SLC7A6: variants seen among roughly 807,000 people sequenced by gnomAD.
The protein encoded by SLC7A6 is solute carrier family 7 member 6, also known as Y+L amino acid transporter 2.
In SLC7A6, 29 loss-of-function variants were observed where a neutral mutation model predicts 46.6. The observed-to-expected ratio is 0.62, with a 90% CI of 0.46 to 0.85. The LOEUF is 0.85. Ranked by LOEUF, SLC7A6 falls within the 40% of genes least tolerant of loss-of-function variation. The pLI is 0.00. For synonymous variants in SLC7A6, 276 were observed against 257.3 expected (o/e 1.07, Z -0.70); for missense variants, 527 against 647.6 (o/e 0.81, Z 2.02).
chr16:68,266,289 G>A (rs964991469), intron 1 of SLC7A6, among the ~76,000 whole-genome samples: 1 of 151,864 alleles, frequency 6.6e-6, no homozygotes, highest in Non-Finnish European at 1.5e-5. Flanking sequence ...TTATGTAAAC[G>A]GTGCCCACGG....
chr16:68,267,947 C>G (rs758506582), intron 2 of SLC7A6, among the ~76,000 whole-genome samples: 1 of 152,154 alleles, frequency 6.6e-6, no homozygotes, highest in East Asian at 1.9e-4. Context: ...GGGGAGCTTC[C>G]GGATAGCTGG....
intron 3 of SLC7A6, chr16:68,287,399 C>T (rs538375006): frequency 7.7e-7 from 1 of 1,305,362 alleles, no homozygotes; most frequent in African/African-American, 1.5e-5. Context: ...CTTGTGTCTC[C>T]TGTGGTTTGG....
At chr16:68,269,543 G>T (rs751705149) in intron 2 of SLC7A6, among the ~76,000 whole-genome samples, 1 of 151,952 alleles carries the variant, frequency 6.6e-6, no homozygotes, top group Non-Finnish European at 1.5e-5. Context: ...GCCAGCTTAC[G>T]GTTGGTTTGC....
chr16:68,267,911 A>T (rs1292556349), intron 2 of SLC7A6, among the ~76,000 whole-genome samples: 1 of 152,224 alleles, frequency 6.6e-6, no homozygotes, highest in African/African-American at 2.4e-5. Context: ...TGAAGCCTCT[A>T]TAAAAACCCA....
chr16:68,299,595 TTTA>T lies in SLC7A6; in HGVS notation c.*2271_*2273del, dbSNP rs1446023365. On this transcript the variant is annotated 3_prime_UTR_variant, in exon 11 of 11. Coordinates refer to ENST00000219343, the MANE Select transcript of SLC7A6 (RefSeq NM_003983.6). ...ATTATCCCTTTTGCAGTGAGTACAG[TTTA>T]TTAAGTTGTCAGCCCTTTAATATTG... is the stretch of plus-strand genomic sequence containing the variant. The T allele has an allele frequency of 1.3e-5, 2 of 152,234 alleles. No homozygotes were observed. The highest frequency in any genetic ancestry group is 3.9e-4 in the East Asian group (2 of 5,190). 9.4% of individuals were successfully genotyped at this position (152,234 alleles called of 1,614,324 possible).
chr16:68,269,888 T>C (rs1202169391), intron 2 of SLC7A6, among the ~76,000 whole-genome samples: 1 of 152,192 alleles, frequency 6.6e-6, no homozygotes, highest in Non-Finnish European at 1.5e-5. Context: ...CTTAGCTTTC[T>C]GAGTAAATAG....
At chr16:68,279,544 AT>A (rs1177986656) in intron 3 of SLC7A6, among the ~76,000 whole-genome samples, 2 of 151,552 alleles carry the variant, frequency 1.3e-5, no homozygotes, top group Admixed American at 6.6e-5. Context: ...TTTCTCTTTT[AT>A]TTTTATTTTT....
At chr16:68,286,654 G>A (rs1452328680) in intron 3 of SLC7A6, among the ~76,000 whole-genome samples, 1 of 152,212 alleles carries the variant, frequency 6.6e-6, no homozygotes, top group Non-Finnish European at 1.5e-5. Context: ...ATCAGTCATT[G>A]TTTAGCAGGA....
rs78490165 is a variant in SLC7A6, at chr16:68,287,363, T to C, written c.524-383T>C. 3.9e-4 allele frequency: 507 copies of C among 1,292,892 alleles called. 8 individuals carry two copies. In the East Asian group the frequency reaches 0.023, roughly 58 times the overall value. 80.1% of individuals were successfully genotyped at this position (1,292,892 alleles called of 1,614,324 possible). ...CATTCAAATTTACCTCACTTACTGA[T>C]GAGTTTCTTTTGGCCATGAAGAGGT... is the stretch of plus-strand genomic sequence containing the variant. On this transcript the variant is annotated intron_variant, in intron 3 of 10. Transcript: ENST00000219343.
At chr16:68,282,115 C>T (rs2042838908) in intron 3 of SLC7A6, among the ~76,000 whole-genome samples, 1 of 152,196 alleles carries the variant, frequency 6.6e-6, no homozygotes, top group East Asian at 1.9e-4. Context: ...AAGATACGCT[C>T]CTCATTTTGG....
rs555399997 is a variant in SLC7A6 at position 68,274,688 on chromosome 16, C to T, written c.-36-3C>T. 1 of 1,608,474 alleles carries T rather than the reference C, an allele frequency of 6.2e-7. No individual in the cohort carries two copies. The highest frequency in any genetic ancestry group is 2.2e-5 in the East Asian group (1 of 44,774). ...AGACTGACATACTTGTATTCTTTGC[C>T]AGGCCACAGCAAACACAGGTGTGCA... On this transcript the variant is annotated splice_polypyrimidine_tract_variant and splice_region_variant and intron_variant, in intron 2 of 10. Coordinates refer to ENST00000219343, the MANE Select transcript of SLC7A6 (RefSeq NM_003983.6).
At chr16:68,273,556 T>C (rs1395525182) in intron 2 of SLC7A6, among the ~76,000 whole-genome samples, 1 of 152,162 alleles carries the variant, frequency 6.6e-6, no homozygotes, top group Non-Finnish European at 1.5e-5. Context: ...GGTAGGTTAA[T>C]GTGGAATCCA....
chr16:68,276,068 A>T (rs3785111), intron 3 of SLC7A6, among the ~76,000 whole-genome samples: 88,977 of 152,080 alleles, frequency 0.59, 26,271 homozygotes, highest in East Asian at 0.81. Context: ...GGCCCACAGG[A>T]CCCTTTCCTG....
Position 68,296,683 on chromosome 16 carries a change from G to T in SLC7A6, c.1326G>T (p.Val442=). ...TATGCTCCGTGTTTCTGGTGATAGT[G>T]CCCCTCTTCACTGACACCATTAATT... ...FCICSVFLVI[V]PLFTDTINSL... The change falls in exon 10 of 11, where the codon GTG becomes GTT. Residue 442 remains valine, a synonymous_variant. Coordinates refer to ENST00000219343, the MANE Select transcript of SLC7A6 (RefSeq NM_003983.6). 1 of 1,614,172 alleles carries T rather than the reference G, an allele frequency of 6.2e-7. No homozygotes were observed. The highest frequency in any genetic ancestry group is 8.5e-7 in the Non-Finnish European group (1 of 1,180,032).
chr16:68,266,709 T>G lies in SLC7A6; in HGVS notation c.-49T>G, dbSNP rs1469035753. 1.3e-5 allele frequency: 2 copies of G among 152,052 alleles called. No individual in the cohort carries two copies. Among genetic ancestry groups the G allele is most frequent in the African/African-American group, 4.8e-5 (2 of 41,400 alleles). The allele number at this position is 152,052 out of a possible 1,614,324, so 9.4% of individuals were successfully genotyped here. On this transcript the variant is annotated 5_prime_UTR_variant, in exon 2 of 11. Transcript: ENST00000219343. ...GGCTTATGAAAGTGTGATGTTCGCG[T>G]ATTTCTTGACAGGTGAATATTGTTG...
At chr16:68,287,533 C>A in intron 3 of SLC7A6, 4 of 1,431,736 alleles carry the variant, frequency 2.8e-6, no homozygotes, top group Non-Finnish European at 3.7e-6. Flanking sequence ...GCCTTCATAT[C>A]CTTGAGCACC....
chr16:68,296,230 AAGGGGTCAATGAAAAGAGCCAGAGGTAAT>A, intron 8 of SLC7A6, 105 bp from the exon 9 acceptor site: 2 of 920,530 alleles, frequency 2.2e-6, no homozygotes, highest in Non-Finnish European at 3.4e-6. Context: ...ATCTGATGCC[AAGGGGTCAATGAAAAGAGCCAGAGGTAAT>A]CTGGTGAAGT....
chr16:68,296,864 C>A, intron 10 of SLC7A6, 54 bp downstream of exon 10: 1 of 1,587,368 alleles, frequency 6.3e-7, no homozygotes, highest in Non-Finnish European at 8.6e-7. Flanking sequence ...CATGCGCATG[C>A]AGAGGTGGGG....
chr16:68,277,394 C>T (rs1314994279), intron 3 of SLC7A6, among the ~76,000 whole-genome samples: 5 of 150,182 alleles, frequency 3.3e-5, no homozygotes, highest in Non-Finnish European at 7.4e-5. Flanking sequence ...AATGCAGTGG[C>T]GCTATCTCGA....
Sources: gnomAD v4.1 joint callset for allele counts (sites outside exome capture counted in the v4.1 genomes callset) on GRCh38, gnomAD v4.1.1 for gene constraint, MANE v1.5 for transcripts, NCBI Gene and HGNC (gene_info 2026-07-23, HGNC 2026-07-21) for gene names.